The following FGFR1 variants were observed in gnomAD, a reference collection of about 807,000 sequenced individuals.
The protein encoded by FGFR1 is fibroblast growth factor receptor 1.
FGFR1 carries 18 observed loss-of-function variants against 93.7 expected under a neutral mutation model. The ratio of observed to expected loss-of-function variants is 0.19; its 90% CI spans 0.13 to 0.28. The LOEUF (loss-of-function observed/expected upper bound fraction) is 0.28, where lower values mean the gene tolerates loss of function less well. Ranked by LOEUF, FGFR1 falls within the 10% of genes least tolerant of loss-of-function variation. The probability of loss-of-function intolerance (pLI) is 1.00; values close to 1 mark genes in which losing one functional copy is unlikely to be tolerated. For synonymous variants in FGFR1, 448 were observed against 429.3 expected (o/e 1.04, Z -0.54); for missense variants, 731 against 1,080.4 (o/e 0.68, Z 4.53).
At chr8:38,463,895 T>C (rs1361042846) in intron 1 of FGFR1, among the ~76,000 whole-genome samples, 4 of 152,034 alleles carry the variant, frequency 2.6e-5, no homozygotes, top group Admixed American at 6.5e-5. Context: ...TTAATAAACA[T>C]ATGGAGAAAG....
Position 38,411,783 on chromosome 8 carries a change from T to C in FGFR1, c.*1845A>G, listed in dbSNP as rs868119571. On this transcript the variant is annotated 3_prime_UTR_variant, in exon 18 of 18. Transcript: ENST00000447712. Reference sequence around the variant, plus strand: ...CAAGCAGCCAAAAAACCAAAAACATTCGGAGAATTTTCCCCCCGTTCCTGA... The same window carrying C: ...CAAGCAGCCAAAAAACCAAAAACATCCGGAGAATTTTCCCCCCGTTCCTGA... The C allele has an allele frequency of 1.3e-4, 31 of 230,468 alleles. No individual in the cohort carries two copies. Among genetic ancestry groups the C allele is most frequent in the African/African-American group, 6.2e-4 (28 of 45,080 alleles). 14.3% of individuals were successfully genotyped at this position (230,468 alleles called of 1,614,324 possible).
chr8:38,428,626 C>G, intron 3 of FGFR1, 191 bp from the exon 4 acceptor site: 1 of 608,622 alleles, frequency 1.6e-6, no homozygotes, highest in African/African-American at 1.8e-5. Flanking sequence ...CTTCCTTCCC[C>G]GAAGCACTGC....
intron 2 of FGFR1, among the ~76,000 whole-genome samples, chr8:38,453,080 T>A (rs965193980): frequency 2.0e-5 from 3 of 152,222 alleles, no homozygotes; most frequent in African/African-American, 7.2e-5. Context: ...CCTTACAGCT[T>A]ACAAAGCATG....
intron 1 of FGFR1, among the ~76,000 whole-genome samples, chr8:38,460,298 C>A (rs1402933680): frequency 1.3e-5 from 2 of 152,152 alleles, no homozygotes; most frequent in Non-Finnish European, 2.9e-5. Context: ...CCAGAGGATG[C>A]CCCTAAACCC....
At chr8:38,422,908 G>A (rs1490939000) in intron 7 of FGFR1, 2 of 642,440 alleles carry the variant, frequency 3.1e-6, no homozygotes, top group East Asian at 5.4e-5. Context: ...ATGGCTCTGG[G>A]CACTAGAAAT....
chr8:38,454,497 G>GAC (rs1487895248), intron 2 of FGFR1, among the ~76,000 whole-genome samples: 1 of 152,074 alleles, frequency 6.6e-6, no homozygotes, highest in African/African-American at 2.4e-5. Context: ...GCCCACAGTT[G>GAC]ACACCCAACC....
At chr8:38,420,006 G>C in intron 8 of FGFR1, 1 of 475,530 alleles carries the variant, frequency 2.1e-6, no homozygotes, top group South Asian at 2.3e-5. Flanking sequence ...TAATTCCTGA[G>C]CCTCCTTGCT....
intron 2 of FGFR1, chr8:38,440,386 G>C: frequency 6.3e-7 from 1 of 1,576,398 alleles, no homozygotes; most frequent in Non-Finnish European, 8.6e-7. Context: ...ACAAGGGTTT[G>C]GGTGGAGAGA....
intron 2 of FGFR1, among the ~76,000 whole-genome samples, chr8:38,434,164 G>A (rs1218765740): frequency 6.6e-6 from 1 of 152,184 alleles, no homozygotes; most frequent in Admixed American, 6.5e-5. Flanking sequence ...TCAATTGACA[G>A]ATATTGGGTA....
chr8:38,454,903 T>C (rs1832308242), intron 2 of FGFR1, among the ~76,000 whole-genome samples: 1 of 151,968 alleles, frequency 6.6e-6, no homozygotes, highest in African/African-American at 2.4e-5. Context: ...AAGCTGATAG[T>C]GTCACTACTT....
intron 2 of FGFR1, among the ~76,000 whole-genome samples, chr8:38,442,445 G>A (rs1169836903): frequency 6.7e-6 from 1 of 150,192 alleles, no homozygotes; most frequent in Non-Finnish European, 1.5e-5. Flanking sequence ...CCACTGGCCC[G>A]GAGCCCAGGC....
intron 9 of FGFR1, chr8:38,418,615 A>C: frequency 3.5e-6 from 2 of 565,388 alleles, no homozygotes; most frequent in East Asian, 3.0e-5. Context: ...AGCAGACCAA[A>C]TGCACCTCTT....
chr8:38,451,276 GTCCCAAGGCAGCC>G (rs1480846921), intron 2 of FGFR1, among the ~76,000 whole-genome samples: 1 of 151,808 alleles, frequency 6.6e-6, no homozygotes, highest in East Asian at 1.9e-4. Context: ...TCTTGCCTGT[GTCCCAAGGCAGCC>G]TTGGGACACA....
intron 1 of FGFR1, among the ~76,000 whole-genome samples, chr8:38,460,648 C>G (rs769185934): frequency 2.6e-5 from 4 of 152,182 alleles, no homozygotes; most frequent in Admixed American, 6.5e-5. Flanking sequence ...TCTCCTACCC[C>G]TCTGGCCCTC....
At position 38,418,279 on chromosome 8, in the gene FGFR1, A is replaced by T. The variant is rs2150672868; in HGVS notation, c.1379T>A (p.Val460Asp). 1 of 1,614,084 alleles carries T rather than the reference A, an allele frequency of 6.2e-7. No individual in the cohort carries two copies. Among genetic ancestry groups the T allele is most frequent in the Non-Finnish European group, 8.5e-7 (1 of 1,180,020 alleles). The change falls in exon 10 of 18, where the codon GTC (valine) becomes GAC (aspartate). Residue 460 changes from valine to aspartate, a missense_variant. Around this residue, in one of 10 missense-constraint regions of FGFR1, gnomAD observed 146 missense variants for 173.0 expected, o/e 0.84. Transcript: ENST00000447712. The stretch of plus-strand genomic sequence containing the variant: ...GTCTTCGGGAAGCTCATACTCAGAG[A>T]CCCCTGCTAGCATGGGAGTCCCACT... ...SSSGTPMLAGVSEYELPEDPR... is the reference protein window; with the variant it reads ...SSSGTPMLAGDSEYELPEDPR...
At position 38,437,375 on chromosome 8, in the gene FGFR1, A is replaced by G. The variant is rs569771479; in HGVS notation, c.92-7427T>C. On this transcript the variant is annotated intron_variant, in intron 2 of 17. Coordinates refer to ENST00000447712, the MANE Select transcript of FGFR1 (RefSeq NM_023110.3). ...CAGAAGGCATATGTCTTGCCCTAAC[A>G]GGGGTGCTCAGATTTGCACAGCACC... Among the ~76,000 whole-genome samples, 335 of 152,318 alleles carry G rather than the reference A, an allele frequency of 2.2e-3. 2 individuals are homozygous for G. Among genetic ancestry groups the G allele is most frequent in the South Asian group, 6.6e-3 (32 of 4,828 alleles).
intron 2 of FGFR1, among the ~76,000 whole-genome samples, chr8:38,439,308 C>T (rs748375671): frequency 1.0e-3 from 153 of 152,214 alleles, no homozygotes; most frequent in Middle Eastern, 3.4e-3. Context: ...AGGTCTGTGC[C>T]GCTCTGCCTG....
chr8:38,440,573 G>A (rs1827065985), intron 2 of FGFR1, among the ~76,000 whole-genome samples: 1 of 151,902 alleles, frequency 6.6e-6, no homozygotes, highest in African/African-American at 2.4e-5. Context: ...TTTGGAGAAG[G>A]GCTTTTTTTT....
In FGFR1 at chr8:38,426,950, TA is replaced by T. The variant is rs1820985047; in HGVS notation, c.622-706del. The stretch of plus-strand genomic sequence containing the variant: ...CAACATGGGGAAACCCCGTCTCTAC[TA>T]AAAATACAAAAATTAGCTGGGAATG... On this transcript the variant is annotated intron_variant, in intron 5 of 17. Transcript: ENST00000447712. The surrounding 1 kb of genome is among the most constrained non-coding windows in gnomAD (Gnocchi z 4.1). Among the ~76,000 whole-genome samples, 1 of 152,016 alleles carries T rather than the reference TA, an allele frequency of 6.6e-6. No individual in the cohort carries two copies. Among genetic ancestry groups the T allele is most frequent in the Non-Finnish European group, 1.5e-5 (1 of 67,984 alleles).
Sources: gnomAD v4.1 joint callset for allele counts (sites outside exome capture counted in the v4.1 genomes callset) on GRCh38, gnomAD v4.1.1 for gene constraint, gnomAD v4.1.1 regional missense constraint, Gnocchi (gnomAD v3.1) non-coding constraint, MANE v1.5 for transcripts, NCBI Gene and HGNC (gene_info 2026-07-23, HGNC 2026-07-21) for gene names.